The following CPVL variants were observed in gnomAD, a reference collection of about 807,000 sequenced individuals.
The protein encoded by CPVL is probable serine carboxypeptidase CPVL.
CPVL carries 51 observed loss-of-function variants against 63.7 expected under a neutral mutation model. The observed-to-expected ratio is 0.80, with a 90% CI of 0.64 to 1.01. CPVL has a LOEUF of 1.01. CPVL is among the 50% of genes least tolerant of loss of function. CPVL has a pLI of 0.00. For synonymous variants in CPVL, 195 were observed against 206.0 expected, an observed-to-expected ratio of 0.95 and a Z score of 0.46; for missense variants, 530 against 573.1, an observed-to-expected ratio of 0.92 and a Z score of 0.77.
At chr7:29,049,016 G>A (rs11972104) in intron 11 of CPVL, among the ~76,000 whole-genome samples, 97,910 of 151,726 alleles carry the variant, frequency 0.65, 32,073 homozygotes, top group Non-Finnish European at 0.71. Context: ...CAGCAAAGGC[G>A]GTGCTAAGAG....
At chr7:29,006,412 T>C (rs1409380708) in intron 12 of CPVL, among the ~76,000 whole-genome samples, 1 of 152,212 alleles carries the variant, frequency 6.6e-6, no homozygotes, top group Non-Finnish European at 1.5e-5. Flanking sequence ...ACCTTGGCTC[T>C]GGAAATCAGA....
chr7:29,139,048 A>G (rs1791563538), intron 1 of CPVL, among the ~76,000 whole-genome samples: 1 of 152,198 alleles, frequency 6.6e-6, no homozygotes, highest in South Asian at 2.1e-4. Flanking sequence ...TCCCACTTGA[A>G]AGGTGTGCTG....
intron 3 of CPVL, among the ~76,000 whole-genome samples, chr7:29,108,577 ATTAT>A (rs1255560051): frequency 6.6e-6 from 1 of 152,186 alleles, no homozygotes; most frequent in East Asian, 1.9e-4. Flanking sequence ...AGTTCTTGAC[ATTAT>A]TTGTGTTAAT....
Position 29,146,422 on chromosome 7 carries a change from C to CT in CPVL, c.-11+6_-11+7insA. On this transcript the variant is annotated splice_region_variant and intron_variant, in intron 1 of 12. Transcript: ENST00000265394. Reference sequence around the variant, plus strand: ...GGCACGACCCACGCAGGGCAGGCGGCACTTACGCGGCGCAGTCGGTGCTCC... The same window carrying CT: ...GGCACGACCCACGCAGGGCAGGCGGCTACTTACGCGGCGCAGTCGGTGCTCC... 2 of 1,092,638 alleles carry CT rather than the reference C, an allele frequency of 1.8e-6. No individual in the cohort carries two copies. Among genetic ancestry groups the CT allele is most frequent in the Non-Finnish European group, 2.5e-6 (2 of 790,410 alleles). 67.7% of individuals were successfully genotyped at this position (1,092,638 alleles called of 1,614,324 possible). A position where few individuals can be genotyped will look rare whatever the true frequency, so the allele number is the denominator to read the frequency against.
At chr7:29,005,540 T>C (rs1785106158) in intron 12 of CPVL, among the ~76,000 whole-genome samples, 1 of 152,164 alleles carries the variant, frequency 6.6e-6, no homozygotes, top group South Asian at 2.1e-4. Flanking sequence ...GCACTCAACT[T>C]AACTGTGTCT....
upstream of CPVL, among the ~76,000 whole-genome samples, chr7:29,150,975 T>C (rs370907940): frequency 5.9e-4 from 90 of 152,330 alleles, 2 homozygotes; most frequent in African/African-American, 2.1e-3. Context: ...GGGTGGTAGA[T>C]CCAGCTGAAG....
intron 2 of CPVL, chr7:29,113,889 C>G (rs1389170732): frequency 6.6e-6 from 1 of 152,248 alleles, no homozygotes; most frequent in East Asian, 1.9e-4. Flanking sequence ...GAAGAAGAAT[C>G]CTTTAGTGGT....
chr7:28,995,735 A>C lies in CPVL; in HGVS notation c.*37T>G. ...CTGTTTTTACGATTTTCTTTTCAGC[A>C]ATGAAAACCTCTGATGTTCTCTTTT... On this transcript the variant is annotated 3_prime_UTR_variant, in exon 13 of 13. Transcript: ENST00000265394. 1 of 1,212,604 alleles carries C rather than the reference A, an allele frequency of 8.2e-7. No individual in the cohort carries two copies. Among genetic ancestry groups the C allele is most frequent in the South Asian group, 1.4e-5 (1 of 73,550 alleles). 75.1% of individuals were successfully genotyped at this position (1,212,604 alleles called of 1,614,324 possible). A position where few individuals can be genotyped will look rare whatever the true frequency, so the allele number is the denominator to read the frequency against.
chr7:29,175,961 A>C (rs767897672), intron 5 of CPVL, among the ~76,000 whole-genome samples: 4 of 151,974 alleles, frequency 2.6e-5, no homozygotes, highest in Non-Finnish European at 4.4e-5. Flanking sequence ...CCGAGGCGGG[A>C]AGATCACAAG....
At chr7:29,095,686 G>A (rs1035518056) in intron 4 of CPVL, among the ~76,000 whole-genome samples, 4 of 151,930 alleles carry the variant, frequency 2.6e-5, no homozygotes, top group Non-Finnish European at 4.4e-5. Flanking sequence ...AGCCCCCACC[G>A]GGAATAGCGT....
chr7:29,084,757 T>G (rs780693226), intron 7 of CPVL, among the ~76,000 whole-genome samples: 7 of 152,208 alleles, frequency 4.6e-5, no homozygotes, highest in African/African-American at 7.2e-5. Context: ...AAAATAGAAT[T>G]CTTTTAACTT....
chr7:29,097,720 AT>A (rs1786585834), intron 3 of CPVL, among the ~76,000 whole-genome samples: 1 of 152,184 alleles, frequency 6.6e-6, no homozygotes, highest in South Asian at 2.1e-4. Context: ...ATTAAAGACA[AT>A]GATTGGAGAG....
Position 29,111,122 on chromosome 7 carries a change from T to G in CPVL, c.288+1582A>C, listed in dbSNP as rs190724860. On this transcript the variant is annotated intron_variant, in intron 3 of 12. Coordinates refer to ENST00000265394, the MANE Select transcript of CPVL (RefSeq NM_031311.5). ...ATAAAATGTGCGTTGTTTTAAGACA[T>G]TAAGTTTGTGGCAATTTGTTATAGC... is the stretch of plus-strand genomic sequence containing the variant. 8.7e-3 allele frequency among the ~76,000 whole-genome samples: 1,322 copies of G among 152,382 alleles called. 9 individuals are homozygous for G. Among genetic ancestry groups the G allele is most frequent in the Admixed American group, 0.016 (245 of 15,308 alleles).
intron 3 of CPVL, among the ~76,000 whole-genome samples, chr7:29,111,250 G>A (rs946170797): frequency 5.3e-5 from 8 of 152,200 alleles, no homozygotes; most frequent in Admixed American, 1.3e-4. Context: ...GAATATTTCT[G>A]AAAGGCATAA....
At chr7:29,056,246 G>A (rs112086953) in intron 11 of CPVL, among the ~76,000 whole-genome samples, 1,541 of 152,260 alleles carry the variant, frequency 0.01, 21 homozygotes, top group Non-Finnish European at 0.017. Context: ...GTGTTATGCG[G>A]TCCATGGGTT....
At chr7:29,103,736 C>G (rs1316170149) in intron 3 of CPVL, among the ~76,000 whole-genome samples, 1 of 152,144 alleles carries the variant, frequency 6.6e-6, no homozygotes, top group African/African-American at 2.4e-5. Context: ...TAAGGAATGC[C>G]ACGCTTGGTT....
Position 28,995,720 on chromosome 7 carries a change from G to T in CPVL, c.*52C>A. The T allele has an allele frequency of 1.9e-6, 2 of 1,076,290 alleles. No homozygotes were observed. Among genetic ancestry groups the T allele is most frequent in the Non-Finnish European group, 2.7e-6 (2 of 728,536 alleles). 66.7% of individuals were successfully genotyped at this position (1,076,290 alleles called of 1,614,324 possible). A position where few individuals can be genotyped will look rare whatever the true frequency, so the allele number is the denominator to read the frequency against. On this transcript the variant is annotated 3_prime_UTR_variant, in exon 13 of 13. Coordinates refer to ENST00000265394, the MANE Select transcript of CPVL (RefSeq NM_031311.5). ...TTCCTATGACATTTTCTGTTTTTAC[G>T]ATTTTCTTTTCAGCAATGAAAACCT...
chr7:29,165,889 C>A (rs1276774755), intron 5 of CPVL, among the ~76,000 whole-genome samples: 1 of 152,078 alleles, frequency 6.6e-6, no homozygotes, highest in Non-Finnish European at 1.5e-5. Context: ...TGAGATAAAC[C>A]TTTTATTTGG....
At chr7:29,002,397 A>G (rs532704233) in intron 12 of CPVL, among the ~76,000 whole-genome samples, 1 of 152,336 alleles carries the variant, frequency 6.6e-6, no homozygotes, top group Admixed American at 6.5e-5. Flanking sequence ...TATCAAGGTG[A>G]TATGCCTCTA....
Sources: allele counts gnomAD v4.1 joint callset (sites outside exome capture counted in the v4.1 genomes callset), GRCh38; gene constraint gnomAD v4.1.1; transcripts MANE v1.5; gene names NCBI Gene and HGNC (gene_info 2026-07-23, HGNC 2026-07-21).